Variants in COL10A1 observed in about 807,000 individuals in gnomAD.
COL10A1 encodes collagen alpha-1(X) chain.
COL10A1 carries 10 observed loss-of-function variants against 18.2 expected under a neutral mutation model. That is an observed-to-expected ratio of 0.55 (90% CI 0.34 to 0.93). COL10A1 has a LOEUF of 0.93. Ranked by LOEUF, COL10A1 falls within the 40% of genes least tolerant of loss-of-function variation. COL10A1 has a pLI of 0.02. For synonymous variants in COL10A1, 330 were observed against 316.6 expected (o/e 1.04, Z -0.45); for missense variants, 897 against 853.5 (o/e 1.05, Z -0.64).
chr6:116,178,078 TGTGTGTGTGTGCGCGCGC>T, the COL10A1 span, among the ~76,000 whole-genome samples: 1 of 111,264 alleles, frequency 9.0e-6, no homozygotes, highest in African/African-American at 4.2e-5. Context: ...TGTGTGTGTG[TGTGTGTGTGTGCGCGCGC>T]GCGCGCGTGC....
At chr6:116,151,450 T>C (rs953874895) in intron 1 of COL10A1, among the ~76,000 whole-genome samples, 9 of 152,240 alleles carry the variant, frequency 5.9e-5, no homozygotes, top group African/African-American at 2.2e-4. Flanking sequence ...AGGGCATTTA[T>C]AGAGTAAAAT....
At chr6:116,194,614 G>T in the COL10A1 span, among the ~76,000 whole-genome samples, 1 of 151,986 alleles carries the variant, frequency 6.6e-6, no homozygotes, top group African/African-American at 2.4e-5. Flanking sequence ...GGAGGGGTAA[G>T]AATAATAAAG....
intron 1 of COL10A1, among the ~76,000 whole-genome samples, chr6:116,139,001 A>G (rs1242414144): frequency 6.6e-6 from 1 of 152,174 alleles, no homozygotes; most frequent in Non-Finnish European, 1.5e-5. Flanking sequence ...ACTTTTTCAG[A>G]TTAATTTAGT....
chr6:116,125,403 G>A lies in COL10A1; in HGVS notation c.90C>T (p.Gly30=). 1 of 1,613,818 alleles carries A rather than the reference G, an allele frequency of 6.2e-7. No individual in the cohort carries two copies. The highest frequency in any genetic ancestry group is 8.5e-7 in the Non-Finnish European group (1 of 1,179,858). ...TGGTGTTGGGTAGTGGGCCTTTTAT[G>A]CCTGTGGGCATTTGGTATCGTTCAG... ...FYAERYQMPT[G]IKGPLPNTKT... Residue 30 remains glycine, a synonymous_variant, in exon 2 of 3, where the codon GGC becomes GGT. Transcript: ENST00000651968.
At chr6:116,161,546 G>A (rs1350512403), upstream of COL10A1, among the ~76,000 whole-genome samples, 1 of 152,002 alleles carries the variant, frequency 6.6e-6, no homozygotes, top group East Asian at 1.9e-4. Context: ...TCAGGTGTGT[G>A]GCTTTATTTC....
the COL10A1 span, among the ~76,000 whole-genome samples, chr6:116,165,970 C>T: frequency 1.3e-5 from 2 of 152,170 alleles, no homozygotes; most frequent in Non-Finnish European, 1.5e-5. Flanking sequence ...TGAGGGGATA[C>T]CTGCACAAAC....
chr6:116,203,713 A>G, the COL10A1 span, among the ~76,000 whole-genome samples: 103 of 151,992 alleles, frequency 6.8e-4, 2 homozygotes, highest in South Asian at 0.02. Context: ...GCCTATTTAC[A>G]TGTTACCCTT....
At chr6:116,182,222 AGTGT>A in the COL10A1 span, among the ~76,000 whole-genome samples, 164 of 124,656 alleles carry the variant, frequency 1.3e-3, no homozygotes, top group East Asian at 2.7e-3. Context: ...TTCCATGGAG[AGTGT>A]GTGTGTGTGT....
chr6:116,193,379 C>T, the COL10A1 span, among the ~76,000 whole-genome samples: 5 of 152,020 alleles, frequency 3.3e-5, no homozygotes, highest in African/African-American at 1.2e-4. Context: ...TGTTAGAAAG[C>T]TGTGGTGGAA....
At position 116,121,307 on chromosome 6, in the gene COL10A1, C is replaced by G; in HGVS notation, c.809G>C (p.Gly270Ala). 2 of 1,614,036 alleles carry G rather than the reference C, an allele frequency of 1.2e-6. No individual in the cohort carries two copies. The highest frequency in any genetic ancestry group is 2.2e-5 in the South Asian group (2 of 91,064). The change falls in exon 3 of 3, where the codon GGA becomes GCA. Residue 270 changes from glycine (G) to alanine (A), a missense_variant. Transcript: ENST00000651968. Reference sequence around the variant, plus strand: ...TGGAATCCCTGGCTGGCCTGGGGCTCCAGCAGCTCCTGGCTTTCCAATGCC... The same window carrying G: ...TGGAATCCCTGGCTGGCCTGGGGCTGCAGCAGCTCCTGGCTTTCCAATGCC... ...PEGIGKPGAA[G>A]APGQPGIPGT...
chr6:116,162,563 T>G (rs1199698033), upstream of COL10A1, among the ~76,000 whole-genome samples: 1 of 152,232 alleles, frequency 6.6e-6, no homozygotes, highest in Non-Finnish European at 1.5e-5. Flanking sequence ...TCTGTTTATG[T>G]GGTGAATCAC....
chr6:116,185,769 G>A, the COL10A1 span, among the ~76,000 whole-genome samples: 3 of 152,082 alleles, frequency 2.0e-5, no homozygotes, highest in Non-Finnish European at 2.9e-5. Context: ...TATGTGTCAG[G>A]TGAGTCTCTG....
the COL10A1 span, among the ~76,000 whole-genome samples, chr6:116,193,163 G>A: frequency 6.6e-6 from 1 of 151,992 alleles, no homozygotes; most frequent in Non-Finnish European, 1.5e-5. Context: ...AACTCTTTGT[G>A]TAATGGCCTT....
intron 1 of COL10A1, among the ~76,000 whole-genome samples, chr6:116,148,217 G>A (rs1397944371): frequency 6.6e-6 from 1 of 152,106 alleles, no homozygotes; most frequent in East Asian, 1.9e-4. Context: ...AGTAAGTTGG[G>A]GACAGGGGTG....
rs1177693111 is a variant in COL10A1, at chr6:116,121,394, C to G, written c.722G>C (p.Gly241Ala). 1 of 1,614,146 alleles carries G rather than the reference C, an allele frequency of 6.2e-7. No homozygotes were observed. Among genetic ancestry groups the G allele is most frequent in the Non-Finnish European group, 8.5e-7 (1 of 1,180,008 alleles). ...TGGTGGGCCAATTGGTCCCATTTCT[C>G]CCGGAAAACCTCTATCACCTTTGAT... ...PGIKGDRGFPGEMGPIGPPGP... is the reference protein window; with the variant it reads ...PGIKGDRGFPAEMGPIGPPGP... The change falls in exon 3 of 3, where the codon GGA (glycine) becomes GCA (alanine). Residue 241 changes from glycine (G) to alanine (A), a missense_variant. By Grantham distance (60) the Gly-to-Ala change is moderately conservative. Transcript: ENST00000651968.
chr6:116,195,442 A>G, the COL10A1 span, among the ~76,000 whole-genome samples: 1 of 152,112 alleles, frequency 6.6e-6, no homozygotes, highest in Non-Finnish European at 1.5e-5. Flanking sequence ...GTAGTTTACC[A>G]GATTAGGTTG....
At chr6:116,154,104 A>G (rs1202888803) in intron 1 of COL10A1, among the ~76,000 whole-genome samples, 1 of 151,276 alleles carries the variant, frequency 6.6e-6, no homozygotes, top group African/African-American at 2.4e-5. Context: ...ATGTTAAAAC[A>G]TGGCTCTCAA....
chr6:116,197,687 A>G, the COL10A1 span, among the ~76,000 whole-genome samples: 1 of 152,080 alleles, frequency 6.6e-6, no homozygotes. Flanking sequence ...ATTACTTTTA[A>G]GTTCCACATG....
At chr6:116,216,312 T>C in the COL10A1 span, among the ~76,000 whole-genome samples, 3 of 152,024 alleles carry the variant, frequency 2.0e-5, no homozygotes, top group African/African-American at 4.8e-5. Flanking sequence ...GTAAGAATTC[T>C]GGTTTTTATA....
Sources: allele counts gnomAD v4.1 joint callset (sites outside exome capture counted in the v4.1 genomes callset), GRCh38; gene constraint gnomAD v4.1.1; transcripts MANE v1.5; gene names NCBI Gene and HGNC (gene_info 2026-07-23, HGNC 2026-07-21).